ELOVL2: variants seen among roughly 807,000 people sequenced by gnomAD.
ELOVL2 encodes ELOVL fatty acid elongase 2, also known as very long chain fatty acid elongase 2.
ELOVL2 carries 38 observed loss-of-function variants against 37.7 expected under a neutral mutation model. The ratio of observed to expected loss-of-function variants is 1.01; its 90% CI spans 0.78 to 1.32. ELOVL2 has a LOEUF of 1.32. Ranked by LOEUF, ELOVL2 falls within the 40% of genes most tolerant of loss-of-function variation. ELOVL2 has a pLI of 0.00. For missense variants in ELOVL2, 352 were observed against 363.6 expected, an observed-to-expected ratio of 0.97 and a Z score of 0.26; for synonymous variants, 115 against 122.3, an observed-to-expected ratio of 0.94 and a Z score of 0.40.
intron 6 of ELOVL2, 124 bp downstream of exon 6, chr6:10,990,194 C>T (rs973401798): frequency 1.2e-5 from 15 of 1,248,260 alleles, no homozygotes; most frequent in Non-Finnish European, 1.7e-5. Context: ...TCTTAAAAGG[C>T]CAATTTTGGA....
rs74546761 is a variant in ELOVL2, at chr6:10,994,103, C to A, written c.505+904G>T. 3.8e-4 allele frequency among the ~76,000 whole-genome samples: 58 copies of A among 151,532 alleles called. No individual in the cohort carries two copies. The East Asian group carries it at 0.01, about 27-fold the overall frequency. ...GCTTGAGCCCAGGAGGTTAAGGCTG[C>A]GGTGAGCTATGACTACACCACTGCA... On this transcript the variant is annotated intron_variant, in intron 5 of 7. Transcript: ENST00000354666.
At position 10,995,079 on chromosome 6, in the gene ELOVL2, G is replaced by T. The variant is rs371048408; in HGVS notation, c.433C>A (p.Leu145Ile). The change falls in exon 5 of 8, where the codon CTT (leucine) becomes ATT (isoleucine). Residue 145 changes from leucine (L) to isoleucine (I), a missense_variant. Physicochemically the swap from Leu to Ile is conservative, Grantham distance 5 (BLOSUM62 2). Transcript: ENST00000354666. ...ATAGAAGCATGATGATATACATGAA[G>T]AAAAGTAATCTGACTCGTTTTTTTC... ...LRKKTSQITFLHVYHHASMFN... is the reference protein window; with the variant it reads ...LRKKTSQITFIHVYHHASMFN... The T allele has an allele frequency of 1.6e-5, 26 of 1,613,292 alleles. No individual in the cohort carries two copies. Among genetic ancestry groups the T allele is most frequent in the Non-Finnish European group, 2.0e-5 (24 of 1,179,438 alleles).
At chr6:11,007,946 G>T (rs1357408270) in intron 2 of ELOVL2, among the ~76,000 whole-genome samples, 1 of 152,152 alleles carries the variant, frequency 6.6e-6, no homozygotes, top group Non-Finnish European at 1.5e-5. Flanking sequence ...AATCATAGTT[G>T]TTTTAGCCAA....
intron 1 of ELOVL2, among the ~76,000 whole-genome samples, chr6:11,020,119 T>C (rs2113538817): frequency 6.6e-6 from 1 of 152,186 alleles, no homozygotes; most frequent in Admixed American, 6.5e-5. Context: ...AACTAAAAAC[T>C]AAAGAAAAAA....
intron 5 of ELOVL2, among the ~76,000 whole-genome samples, chr6:10,994,676 A>C (rs1357158204): frequency 6.6e-6 from 1 of 152,176 alleles, no homozygotes; most frequent in Non-Finnish European, 1.5e-5. Flanking sequence ...GTGACTGTGG[A>C]AGGTGATGTA....
chr6:11,026,030 C>T (rs1782834235), intron 1 of ELOVL2, among the ~76,000 whole-genome samples: 1 of 152,094 alleles, frequency 6.6e-6, no homozygotes, highest in African/African-American at 2.4e-5. Context: ...GAGAAACATT[C>T]CTGAGTTTCC....
intron 3 of ELOVL2, among the ~76,000 whole-genome samples, 164 bp downstream of exon 3, chr6:11,005,208 A>G (rs902019589): frequency 1.2e-4 from 19 of 152,192 alleles, no homozygotes; most frequent in African/African-American, 4.3e-4. Flanking sequence ...TTCAAGTTAT[A>G]AACAAGGACT....
chr6:11,042,450 C>T (rs1353536098), intron 1 of ELOVL2, among the ~76,000 whole-genome samples: 1 of 152,114 alleles, frequency 6.6e-6, no homozygotes, highest in African/African-American at 2.4e-5. Flanking sequence ...CTTTCAAGAG[C>T]TTGCCCTTGA....
chr6:10,982,963 G>A lies in ELOVL2; in HGVS notation c.*818C>T, dbSNP rs1478535910. 6.6e-6 allele frequency: 1 copy of A among 152,170 alleles called. No homozygotes were observed. The allele number at this position is 152,170 out of a possible 1,614,324, so 9.4% of individuals were successfully genotyped here. A position where few individuals can be genotyped will look rare whatever the true frequency, so the allele number is the denominator to read the frequency against. On this transcript the variant is annotated 3_prime_UTR_variant, in exon 8 of 8. Coordinates refer to ENST00000354666, the MANE Select transcript of ELOVL2 (RefSeq NM_017770.4). The stretch of plus-strand genomic sequence containing the variant: ...TCCAGTGCTTGCTCAGAAAGTAAAC[G>A]GGCAGCCAGATTTGTACACTGCTCG...
At chr6:11,042,209 A>G (rs1783108462) in intron 1 of ELOVL2, among the ~76,000 whole-genome samples, 2 of 152,128 alleles carry the variant, frequency 1.3e-5, no homozygotes, top group Admixed American at 1.3e-4. Context: ...GCTACTCAGG[A>G]GGCTGAGGCA....
At chr6:10,983,997 G>T in intron 7 of ELOVL2, 91 bp from the exon 8 acceptor site, 1 of 1,197,076 alleles carries the variant, frequency 8.4e-7, no homozygotes. Flanking sequence ...AACAGTATGT[G>T]ATTTTGTTGG....
At chr6:11,007,172 A>C (rs1368804160) in intron 2 of ELOVL2, among the ~76,000 whole-genome samples, 1 of 152,236 alleles carries the variant, frequency 6.6e-6, no homozygotes, top group Non-Finnish European at 1.5e-5. Flanking sequence ...AAGTGAAATG[A>C]CTTGCACTAA....
chr6:10,990,367 GATGGA>G lies in ELOVL2; in HGVS notation c.576_580del (p.Pro193TyrfsTer127), dbSNP rs1561712952. On this transcript the variant is annotated frameshift_variant, in exon 6 of 8. Transcript: ENST00000354666. LOFTEE classifies it high-confidence loss of function. ...CTTCCACCAAAGATACTTGTGCATA[GATGGA>G]AACACAGAAAGTCCATAGTAGGAGT... The G allele has an allele frequency of 6.2e-7, 1 of 1,612,974 alleles. No homozygotes were observed. Among genetic ancestry groups the G allele is most frequent in the Non-Finnish European group, 8.5e-7 (1 of 1,179,582 alleles).
chr6:11,019,755 TG>T (rs1782737473), intron 1 of ELOVL2, among the ~76,000 whole-genome samples: 1 of 150,310 alleles, frequency 6.7e-6, no homozygotes, highest in East Asian at 1.9e-4. Flanking sequence ...TGTTGTTGTT[TG>T]TTTTTTTGAT....
Position 10,983,881 on chromosome 6 carries a change from T to A in ELOVL2, c.791A>T (p.Lys264Ile), listed in dbSNP as rs1234455874. 2 of 1,613,590 alleles carry A rather than the reference T, an allele frequency of 1.2e-6. No individual in the cohort carries two copies. Among genetic ancestry groups the A allele is most frequent in the South Asian group, 1.1e-5 (1 of 90,924 alleles). ...CCCTGCAGGTGGCTCTTGCATATCTTTCTTCATTGGCTTTTTTCGGTATGT... is the reference window on the plus strand; with the variant it reads ...CCCTGCAGGTGGCTCTTGCATATCTATCTTCATTGGCTTTTTTCGGTATGT... The part of the protein sequence containing the change: ...VQTYRKKPMK[K>I]DMQEPPAGKE... Residue 264 changes from lysine (K) to isoleucine (I), a missense_variant, in exon 8 of 8, where the codon AAA (lysine) becomes ATA (isoleucine). By Grantham distance (102) the Lys-to-Ile change is moderately radical (BLOSUM62 -3). Transcript: ENST00000354666.
intron 1 of ELOVL2, among the ~76,000 whole-genome samples, chr6:11,021,697 A>G (rs1340656340): frequency 6.6e-6 from 1 of 152,228 alleles, no homozygotes; most frequent in Non-Finnish European, 1.5e-5. Flanking sequence ...TTTAAGAGGT[A>G]AATACCAAGG....
intron 1 of ELOVL2, among the ~76,000 whole-genome samples, chr6:11,018,824 A>G (rs757906510): frequency 4.6e-5 from 7 of 152,232 alleles, no homozygotes; most frequent in Non-Finnish European, 7.3e-5. Context: ...TTATCTAGCT[A>G]TCTGATGAAA....
chr6:11,023,353 A>G lies in ELOVL2; in HGVS notation c.4-12544T>C, dbSNP rs1301919234. On this transcript the variant is annotated intron_variant, in intron 1 of 7. Coordinates refer to ENST00000354666, the MANE Select transcript of ELOVL2 (RefSeq NM_017770.4). ...GCAGGTTGGCTATTCTGCATGTACA[A>G]GTGGTATCCTTTTGAATATGAAAAC... Among the ~76,000 whole-genome samples the G allele has an allele frequency of 2.0e-5, 3 of 152,234 alleles. No homozygotes were observed. The East Asian group carries it at 5.8e-4, about 29-fold the overall frequency.
chr6:10,986,226 T>A (rs1342289689), intron 7 of ELOVL2, among the ~76,000 whole-genome samples: 1 of 152,228 alleles, frequency 6.6e-6, no homozygotes, highest in Non-Finnish European at 1.5e-5. Flanking sequence ...CTGAAGTTGC[T>A]TATCAGCTTA....
Sources: gnomAD v4.1 joint callset for allele counts (sites outside exome capture counted in the v4.1 genomes callset) on GRCh38, gnomAD v4.1.1 for gene constraint, MANE v1.5 for transcripts, NCBI Gene and HGNC (gene_info 2026-07-23, HGNC 2026-07-21) for gene names.